Variants in DPYD observed in about 807,000 individuals in gnomAD.
DPYD encodes the protein dihydropyrimidine dehydrogenase [NADP(+)].
A neutral mutation model predicts 116.2 loss-of-function variants in DPYD; 109 were observed. That is an observed-to-expected ratio of 0.94 (90% CI 0.80 to 1.10). The LOEUF is 1.10. DPYD is among the 50% of genes least tolerant of loss of function. The pLI is 0.00. For missense variants in DPYD, 1,302 were observed against 1,254.5 expected (o/e 1.04, Z -0.57); for synonymous variants, 440 against 432.0 (o/e 1.02, Z -0.23).
At chr1:97,556,687 A>T (rs1317496051) in intron 11 of DPYD, among the ~76,000 whole-genome samples, 1 of 150,312 alleles carries the variant, frequency 6.7e-6, no homozygotes, top group Non-Finnish European at 1.5e-5. Context: ...ACATGAACTC[A>T]TCATTTTTTA....
At chr1:97,130,836 CTCCT>C (rs59350272) in intron 20 of DPYD, among the ~76,000 whole-genome samples, 5,347 of 64,484 alleles carry the variant, frequency 0.083, 171 homozygotes, top group Middle Eastern at 0.15. Context: ...TTTCTTCTTT[CTCCT>C]TCCTTCCTTC....
At chr1:97,194,150 A>C (rs776495184) in intron 19 of DPYD, among the ~76,000 whole-genome samples, 7 of 152,158 alleles carry the variant, frequency 4.6e-5, no homozygotes, top group Non-Finnish European at 8.8e-5. Context: ...TGAATGAATA[A>C]TGATGATATG....
At chr1:97,451,271 G>C (rs1290923225) in intron 13 of DPYD, among the ~76,000 whole-genome samples, 1 of 152,042 alleles carries the variant, frequency 6.6e-6, no homozygotes, top group African/African-American at 2.4e-5. Flanking sequence ...GCATTAATTA[G>C]TGCTGATCTG....
At chr1:97,244,633 AT>A (rs1003117292) in intron 18 of DPYD, among the ~76,000 whole-genome samples, 9 of 152,050 alleles carry the variant, frequency 5.9e-5, no homozygotes, top group Non-Finnish European at 1.3e-4. Flanking sequence ...TTACAAGTTG[AT>A]TTATGTGATA....
At chr1:97,783,384 T>TTTATTTATTTATTTAC (rs1666862699) in intron 3 of DPYD, among the ~76,000 whole-genome samples, 1 of 152,070 alleles carries the variant, frequency 6.6e-6, no homozygotes. Flanking sequence ...TATTTTATTT[T>TTTATTTATTTATTTAC]TTATTTATTT....
At chr1:97,421,906 G>A (rs1674606391) in intron 14 of DPYD, among the ~76,000 whole-genome samples, 1 of 152,184 alleles carries the variant, frequency 6.6e-6, no homozygotes, top group Non-Finnish European at 1.5e-5. Context: ...AATGGTACGA[G>A]TGAAATAGTC....
chr1:97,870,496 T>C (rs1671600873), intron 2 of DPYD, among the ~76,000 whole-genome samples: 1 of 151,798 alleles, frequency 6.6e-6, no homozygotes, highest in Non-Finnish European at 1.5e-5. Context: ...TTTAAGTGCA[T>C]GACTGCAGGA....
At chr1:97,797,025 G>A (rs1667605451) in intron 3 of DPYD, 1 of 152,114 alleles carries the variant, frequency 6.6e-6, no homozygotes, top group African/African-American at 2.4e-5. Context: ...AGGTCTCTCT[G>A]TTCACTGTCC....
At chr1:97,635,050 G>A (rs1477599849) in intron 8 of DPYD, among the ~76,000 whole-genome samples, 1 of 151,984 alleles carries the variant, frequency 6.6e-6, no homozygotes, top group African/African-American at 2.4e-5. Context: ...TGAAAACAGT[G>A]AGGAGACACA....
At chr1:97,782,787 G>C (rs1261872574) in intron 3 of DPYD, among the ~76,000 whole-genome samples, 1 of 152,060 alleles carries the variant, frequency 6.6e-6, no homozygotes, top group Non-Finnish European at 1.5e-5. Context: ...ATTTTCCTTT[G>C]ATACCTTTGA....
rs778298325 is a variant in DPYD at position 97,306,269 on chromosome 1, C to T, written c.2087G>A (p.Arg696His). The T allele has an allele frequency of 3.0e-5, 49 of 1,612,244 alleles. No homozygotes were observed. The highest frequency in any genetic ancestry group is 1.6e-4 in the Middle Eastern group (1 of 6,068). The change falls in exon 17 of 23, where the codon CGC (arginine) becomes CAC (histidine). Residue 696 changes from arginine to histidine, a missense_variant. Transcript: ENST00000370192. ...AATCTGAACAGCTTGCCTAACCCAGCGGCAGATGTTCCGCACCAGCTCTGG... is the reference window on the plus strand; with the variant it reads ...AATCTGAACAGCTTGCCTAACCCAGTGGCAGATGTTCCGCACCAGCTCTGG... Reference protein sequence around the residue: ...QDPELVRNICRWVRQAVQIPF... With the variant: ...QDPELVRNICHWVRQAVQIPF...
intron 10 of DPYD, among the ~76,000 whole-genome samples, chr1:97,591,035 T>A (rs1031866357): frequency 5.3e-5 from 8 of 152,238 alleles, no homozygotes; most frequent in Admixed American, 2.0e-4. Context: ...ATTCTGATGA[T>A]ACTGGCGTTT....
In DPYD at chr1:97,282,412, T is replaced by C. The variant is rs190087138; in HGVS notation, c.2299+22847A>G. Among the ~76,000 whole-genome samples the C allele has an allele frequency of 2.0e-5, 3 of 152,240 alleles. No individual in the cohort carries two copies. In the East Asian group the frequency reaches 5.8e-4, roughly 29 times the overall value. On this transcript the variant is annotated intron_variant, in intron 18 of 22. Transcript: ENST00000370192. ...TTTCCTTTACCATTTTCTCTTTTTT[T>C]CAGAGATGCAGAGGTTGTTTAATAT...
At chr1:97,399,019 T>C (rs1225910900) in intron 14 of DPYD, among the ~76,000 whole-genome samples, 20 of 152,252 alleles carry the variant, frequency 1.3e-4, no homozygotes, top group African/African-American at 3.8e-4. Flanking sequence ...GAAGTCCTTG[T>C]CCATGCCTAT....
At chr1:97,600,910 T>C (rs1655205171) in intron 8 of DPYD, among the ~76,000 whole-genome samples, 1 of 152,186 alleles carries the variant, frequency 6.6e-6, no homozygotes, top group Non-Finnish European at 1.5e-5. Context: ...AATGAAAGGA[T>C]GTAGCCACAT....
chr1:97,164,108 A>C (rs1204580050), intron 20 of DPYD, among the ~76,000 whole-genome samples: 1 of 152,202 alleles, frequency 6.6e-6, no homozygotes, highest in African/African-American at 2.4e-5. Flanking sequence ...CCTGGGGTGC[A>C]AGGTTGTTTC....
intron 18 of DPYD, among the ~76,000 whole-genome samples, chr1:97,261,555 G>A (rs1003659717): frequency 5.6e-5 from 8 of 141,946 alleles, no homozygotes; most frequent in African/African-American, 2.1e-4. Context: ...AACTTGCCAA[G>A]CAGGAAAATT....
chr1:97,545,615 G>A, intron 12 of DPYD: 1 of 566,364 alleles, frequency 1.8e-6, no homozygotes. Context: ...TGGACTGCTG[G>A]ATTATGCAAG....
At chr1:97,102,417 ATATG>A (rs1650778417) in intron 20 of DPYD, among the ~76,000 whole-genome samples, 1 of 142,884 alleles carries the variant, frequency 7.0e-6, no homozygotes, top group Non-Finnish European at 1.5e-5. Flanking sequence ...ATATATATAT[ATATG>A]TATATATGTA....
Sources: gnomAD v4.1 joint callset for allele counts (sites outside exome capture counted in the v4.1 genomes callset) on GRCh38, gnomAD v4.1.1 for gene constraint, MANE v1.5 for transcripts, NCBI Gene and HGNC (gene_info 2026-07-23, HGNC 2026-07-21) for gene names.